SIK3: variants seen among roughly 807,000 people sequenced by gnomAD.
SIK3 encodes the protein SIK family kinase 3.
A neutral mutation model predicts 144.2 loss-of-function variants in SIK3; 28 were observed. That is an observed-to-expected ratio of 0.19 (90% confidence interval 0.14 to 0.27). The LOEUF (loss-of-function observed/expected upper bound fraction) is 0.27, where lower values mean the gene tolerates loss of function less well. Among genes scored for constraint, SIK3 ranks in the 10% least tolerant of loss-of-function variants. The probability of loss-of-function intolerance (pLI) is 1.00; values close to 1 mark genes in which losing one functional copy is unlikely to be tolerated. For missense variants in SIK3, 1,319 were observed against 1,776.0 expected (o/e 0.74, Z 4.62); for synonymous variants, 686 against 676.3 (o/e 1.01, Z -0.22).
At chr11:116,902,136 G>T (rs987941198) in intron 4 of SIK3, among the ~76,000 whole-genome samples, 1 of 152,186 alleles carries the variant, frequency 6.6e-6, no homozygotes, top group African/African-American at 2.4e-5. Context: ...GGAATGACTG[G>T]ATAACAAACT....
At chr11:116,930,782 C>T (rs764642759) in intron 3 of SIK3, among the ~76,000 whole-genome samples, 4 of 151,756 alleles carry the variant, frequency 2.6e-5, no homozygotes, top group Admixed American at 2.0e-4. Context: ...CCCACCCCCA[C>T]CAATCTAAAC....
chr11:116,892,059 C>A (rs958703710), intron 6 of SIK3, among the ~76,000 whole-genome samples: 2 of 152,160 alleles, frequency 1.3e-5, no homozygotes, highest in Non-Finnish European at 2.9e-5. Flanking sequence ...CTCCATTGAT[C>A]TGACTTCAAT....
At chr11:116,917,866 G>GAA (rs1219774358) in intron 4 of SIK3, among the ~76,000 whole-genome samples, 2 of 151,756 alleles carry the variant, frequency 1.3e-5, no homozygotes, top group East Asian at 3.9e-4. Flanking sequence ...GAAAGGAAAG[G>GAA]AAAGGGAGAA....
chr11:116,856,550 A>C (rs925081434), intron 21 of SIK3, among the ~76,000 whole-genome samples: 1 of 152,114 alleles, frequency 6.6e-6, no homozygotes, highest in Non-Finnish European at 1.5e-5. Context: ...CATTCCACCT[A>C]TGATCTGGTT....
At chr11:116,878,382 T>C (rs1489354917) in intron 6 of SIK3, among the ~76,000 whole-genome samples, 3 of 83,096 alleles carry the variant, frequency 3.6e-5, no homozygotes, top group African/African-American at 6.8e-5. Flanking sequence ...TCTCTCTCCC[T>C]TTTTTTTTTT....
At chr11:117,006,937 A>G (rs988356953) in intron 1 of SIK3, among the ~76,000 whole-genome samples, 1 of 152,246 alleles carries the variant, frequency 6.6e-6, no homozygotes, top group Non-Finnish European at 1.5e-5. Flanking sequence ...AAATGATCCT[A>G]GCAAAGCCAC....
chr11:117,067,712 C>T (rs1954080786), intron 1 of SIK3, among the ~76,000 whole-genome samples: 1 of 152,116 alleles, frequency 6.6e-6, no homozygotes, highest in Admixed American at 6.5e-5. Flanking sequence ...TGTGGCCAGG[C>T]ACGGTGGCTC....
At chr11:117,016,316 ACT>A (rs1478098302) in intron 1 of SIK3, among the ~76,000 whole-genome samples, 1 of 126,020 alleles carries the variant, frequency 7.9e-6, no homozygotes, top group Non-Finnish European at 1.6e-5. Flanking sequence ...ACAGAGAGAG[ACT>A]CTGCGAAAAA....
At chr11:116,896,413 A>T (rs769347825) in intron 5 of SIK3, 37 bp from the exon 6 acceptor site, 7 of 1,603,718 alleles carry the variant, frequency 4.4e-6, no homozygotes, top group Non-Finnish European at 6.0e-6. Context: ...AATTAATCAC[A>T]TCAGGGGAAA....
chr11:116,946,838 A>T lies in SIK3; in HGVS notation c.454+7206T>A, dbSNP rs144086145. On this transcript the variant is annotated intron_variant, in intron 3 of 24. Coordinates refer to ENST00000445177, the MANE Select transcript of SIK3 (RefSeq NM_001366686.3). Reference sequence around the variant, plus strand: ...TTATTAATATTTCCCTAGCCAGGCCAGGAGCGTTGGCTCACGCCTGTAATC... The same window carrying T: ...TTATTAATATTTCCCTAGCCAGGCCTGGAGCGTTGGCTCACGCCTGTAATC... Among the ~76,000 whole-genome samples, 529 of 152,194 alleles carry T rather than the reference A, an allele frequency of 3.5e-3. 5 individuals are homozygous for T. Among genetic ancestry groups the T allele is most frequent in the African/African-American group, 0.012 (511 of 41,552 alleles).
intron 1 of SIK3, among the ~76,000 whole-genome samples, chr11:116,998,465 C>T (rs897469830): frequency 2.0e-4 from 15 of 75,464 alleles, no homozygotes; most frequent in Admixed American, 1.9e-3. Flanking sequence ...AACAAGACTC[C>T]GTCTTAAAAA....
At chr11:117,035,265 G>A (rs955365511) in intron 1 of SIK3, among the ~76,000 whole-genome samples, 1 of 152,036 alleles carries the variant, frequency 6.6e-6, no homozygotes, top group African/African-American at 2.4e-5. Context: ...TAGGCAATGA[G>A]GAAATGAGGA....
intron 6 of SIK3, among the ~76,000 whole-genome samples, chr11:116,882,889 A>C (rs1342535380): frequency 6.6e-6 from 1 of 152,196 alleles, no homozygotes; most frequent in East Asian, 1.9e-4. Flanking sequence ...ATTTTTTCTA[A>C]ATTTCAAAAT....
chr11:116,982,727 G>A lies in SIK3; in HGVS notation c.274-25663C>T, dbSNP rs28537685. Among the ~76,000 whole-genome samples the A allele has an allele frequency of 3.7e-3, 553 of 151,234 alleles. 4 individuals are homozygous for A. Among genetic ancestry groups the A allele is most frequent in the African/African-American group, 0.013 (516 of 40,890 alleles). ...TCCCAGCACTTTGGGAGGTTGAGGCGGGCAGATCACAAGGTCAAGACATCA... is the reference window on the plus strand; with the variant it reads ...TCCCAGCACTTTGGGAGGTTGAGGCAGGCAGATCACAAGGTCAAGACATCA... On this transcript the variant is annotated intron_variant, in intron 1 of 24. Coordinates refer to ENST00000445177, the MANE Select transcript of SIK3 (RefSeq NM_001366686.3).
rs1941827257 is a variant in SIK3 at position 116,844,778 on chromosome 11, G to C, written c.*865C>G. 6.7e-6 allele frequency: 1 copy of C among 149,968 alleles called. No homozygotes were observed. Among genetic ancestry groups the C allele is most frequent in the Non-Finnish European group, 1.5e-5 (1 of 67,720 alleles). 9.3% of individuals were successfully genotyped at this position (149,968 alleles called of 1,614,324 possible). A position where few individuals can be genotyped will look rare whatever the true frequency, so the allele number is the denominator to read the frequency against. On this transcript the variant is annotated 3_prime_UTR_variant, in exon 25 of 25. Transcript: ENST00000445177. Reference sequence around the variant, plus strand: ...AATGAAAGATGCCATAGAAAGCATAGTGCACTGCTGTTGGGTGTTCAGTCC... The same window carrying C: ...AATGAAAGATGCCATAGAAAGCATACTGCACTGCTGTTGGGTGTTCAGTCC...
chr11:117,096,546 T>C, intron 1 of SIK3, among the ~76,000 whole-genome samples: 1 of 152,318 alleles, frequency 6.6e-6, no homozygotes, highest in African/African-American at 2.4e-5. Context: ...CGACTTCCCC[T>C]GACTTCCCCT....
At chr11:116,887,612 CA>C (rs58936458) in intron 6 of SIK3, among the ~76,000 whole-genome samples, 214 of 96,720 alleles carry the variant, frequency 2.2e-3, no homozygotes, top group Admixed American at 3.4e-3. Context: ...ATCTGTCTCC[CA>C]AAAAAAAAAA....
chr11:116,865,276 A>G (rs541210127), intron 15 of SIK3, among the ~76,000 whole-genome samples: 13 of 152,184 alleles, frequency 8.5e-5, no homozygotes, highest in Non-Finnish European at 1.3e-4. Context: ...AAGTAGCAAT[A>G]CAGTCTTTCT....
intron 1 of SIK3, among the ~76,000 whole-genome samples, chr11:117,028,962 A>ACCAAGGCTGGATGGAGCG (rs141750997): frequency 4.6e-5 from 7 of 151,722 alleles, no homozygotes; most frequent in Non-Finnish European, 1.0e-4. Context: ...TTGCTTTGTC[A>ACCAAGGCTGGATGGAGCG]CAGTGGTGTG....
Sources: allele counts gnomAD v4.1 joint callset (sites outside exome capture counted in the v4.1 genomes callset), GRCh38; gene constraint gnomAD v4.1.1; transcripts MANE v1.5; gene names NCBI Gene and HGNC (gene_info 2026-07-23, HGNC 2026-07-21).